Variants in MCHR2 observed in about 807,000 individuals in gnomAD.
MCHR2 encodes melanin concentrating hormone receptor 2.
A neutral mutation model predicts 24.8 loss-of-function variants in MCHR2; 15 were observed. The observed-to-expected ratio is 0.60, with a 90% CI of 0.40 to 0.93. The LOEUF (loss-of-function observed/expected upper bound fraction) is 0.93. MCHR2 is among the 40% of genes least tolerant of loss of function. The pLI, the probability that MCHR2 is intolerant of heterozygous loss-of-function variation, is 0.00. For synonymous variants in MCHR2, 151 were observed against 147.6 expected, an observed-to-expected ratio of 1.02 and a Z score of -0.17; for missense variants, 386 against 408.7, an observed-to-expected ratio of 0.94 and a Z score of 0.48.
rs1562114728 is a variant in MCHR2, at chr6:99,920,640, G to A, written c.*300C>T. On this transcript the variant is annotated 3_prime_UTR_variant, in exon 6 of 6. Coordinates refer to ENST00000281806, the MANE Select transcript of MCHR2 (RefSeq NM_001040179.2). Reference sequence around the variant, plus strand: ...TGGTGAGTTTTGAGTCAATGGTCATGGATGGCCATTTTCATTAGTGACTAG... The same window carrying A: ...TGGTGAGTTTTGAGTCAATGGTCATAGATGGCCATTTTCATTAGTGACTAG... 3.4e-6 allele frequency: 1 copy of A among 293,024 alleles called. No individual in the cohort carries two copies. The highest frequency in any genetic ancestry group is 6.5e-6 in the Non-Finnish European group (1 of 154,058). 18.2% of individuals were successfully genotyped at this position (293,024 alleles called of 1,614,324 possible).
At chr6:99,969,818 T>C (rs945537733) in intron 1 of MCHR2, among the ~76,000 whole-genome samples, 4 of 150,328 alleles carry the variant, frequency 2.7e-5, no homozygotes, top group African/African-American at 9.8e-5. Flanking sequence ...TGGTGTTTGG[T>C]TTTTGTCCTT....
chr6:99,939,639 G>A (rs1360141361), intron 4 of MCHR2, among the ~76,000 whole-genome samples: 1 of 151,594 alleles, frequency 6.6e-6, no homozygotes, highest in Non-Finnish European at 1.5e-5. Context: ...GAGTATTCTG[G>A]GCTTGTTAAT....
intron 5 of MCHR2, among the ~76,000 whole-genome samples, chr6:99,930,499 T>TG (rs1304613835): frequency 6.6e-6 from 1 of 152,226 alleles, no homozygotes; most frequent in East Asian, 1.9e-4. Flanking sequence ...ATTTGGTCTT[T>TG]TCACATAGTC....
At chr6:99,959,827 T>A (rs1034378755) in intron 1 of MCHR2, among the ~76,000 whole-genome samples, 1 of 147,896 alleles carries the variant, frequency 6.8e-6, no homozygotes, top group Non-Finnish European at 1.5e-5. Flanking sequence ...GAAACAATAA[T>A]AATAATGATA....
chr6:99,928,803 A>G (rs1019663220), intron 5 of MCHR2, among the ~76,000 whole-genome samples: 1 of 152,116 alleles, frequency 6.6e-6, no homozygotes, highest in African/African-American at 2.4e-5. Context: ...TGGATTAATT[A>G]ATTCTTTGAA....
intron 1 of MCHR2, among the ~76,000 whole-genome samples, chr6:99,959,196 G>A (rs1775129501): frequency 6.6e-6 from 1 of 152,084 alleles, no homozygotes; most frequent in Non-Finnish European, 1.5e-5. Flanking sequence ...ATGGCATGCT[G>A]CTATTTTGGA....
intron 1 of MCHR2, among the ~76,000 whole-genome samples, chr6:99,975,416 G>A (rs112375143): frequency 0.031 from 4,697 of 152,248 alleles, 120 homozygotes; most frequent in Non-Finnish European, 0.044. Flanking sequence ...TTTTAAGCCC[G>A]TTGGAAAACC....
chr6:99,955,878 C>A, intron 2 of MCHR2, 88 bp downstream of exon 2: 1 of 1,084,256 alleles, frequency 9.2e-7, no homozygotes, highest in Non-Finnish European at 1.2e-6. Context: ...AAGCAAAATG[C>A]TACAGGGGAA....
chr6:99,921,735 TA>T (rs1774237304), intron 5 of MCHR2, among the ~76,000 whole-genome samples: 1 of 152,198 alleles, frequency 6.6e-6, no homozygotes, highest in Non-Finnish European at 1.5e-5. Flanking sequence ...AACTATTTTT[TA>T]ATACCCATTA....
chr6:99,983,689 C>T (rs72940315), intron 1 of MCHR2, among the ~76,000 whole-genome samples: 2,806 of 152,184 alleles, frequency 0.018, 77 homozygotes, highest in East Asian at 0.12. Flanking sequence ...CCTCGAAACA[C>T]TCTCTTCTCT....
At chr6:99,976,444 C>G (rs1775553295) in intron 1 of MCHR2, among the ~76,000 whole-genome samples, 1 of 152,174 alleles carries the variant, frequency 6.6e-6, no homozygotes, top group Non-Finnish European at 1.5e-5. Flanking sequence ...CATTAGTGTC[C>G]TAGGAGATGA....
In MCHR2 at chr6:99,990,377, TATTTACCCTGTATGTGTGTGTGTGTATTC is replaced by T. The variant is rs1168615156; in HGVS notation, c.-28+3530_-28+3558del. Among the ~76,000 whole-genome samples, 12 of 152,276 alleles carry T rather than the reference TATTTACCCTGTATGTGTGTGTGTGTATTC, an allele frequency of 7.9e-5. No homozygotes were observed. The East Asian group carries it at 9.6e-4, about 12-fold the overall frequency. On this transcript the variant is annotated intron_variant, in intron 1 of 5. Coordinates refer to ENST00000281806, the MANE Select transcript of MCHR2 (RefSeq NM_001040179.2). The stretch of plus-strand genomic sequence containing the variant: ...TGTTAGAGTCATAGGATAAACACAC[TATTTACCCTGTATGTGTGTGTGTGTATTC>T]ATTTACCCTGTATGTGTGTGTGTGT...
intron 2 of MCHR2, among the ~76,000 whole-genome samples, chr6:99,948,734 T>C (rs1174023693): frequency 6.6e-6 from 1 of 152,210 alleles, no homozygotes; most frequent in African/African-American, 2.4e-5. Context: ...TCTTTACTCA[T>C]TCCTAGTATT....
At chr6:99,941,315 A>G (rs1428706823) in intron 4 of MCHR2, among the ~76,000 whole-genome samples, 1 of 133,986 alleles carries the variant, frequency 7.5e-6, no homozygotes, top group Non-Finnish European at 1.5e-5. Flanking sequence ...GGAGTTCTGG[A>G]GTTCTGGGAT....
chr6:99,929,069 T>G (rs1168046925), intron 5 of MCHR2, among the ~76,000 whole-genome samples: 4 of 152,182 alleles, frequency 2.6e-5, no homozygotes, highest in Non-Finnish European at 4.4e-5. Flanking sequence ...AAGAACATCT[T>G]TATTTCTGCC....
chr6:99,923,241 C>G (rs1367954650), intron 5 of MCHR2, among the ~76,000 whole-genome samples: 1 of 152,088 alleles, frequency 6.6e-6, no homozygotes, highest in Admixed American at 6.5e-5. Flanking sequence ...ATTTTGTATC[C>G]TGAAACTTTA....
chr6:99,967,686 C>T (rs1775319139), intron 1 of MCHR2, among the ~76,000 whole-genome samples: 1 of 152,068 alleles, frequency 6.6e-6, no homozygotes, highest in East Asian at 1.9e-4. Context: ...GTTCAATAGC[C>T]ACAATGTGCA....
intron 1 of MCHR2, among the ~76,000 whole-genome samples, chr6:99,957,038 G>A (rs1181870544): frequency 6.6e-6 from 1 of 151,948 alleles, no homozygotes; most frequent in Non-Finnish European, 1.5e-5. Context: ...AAATCAGTGG[G>A]CATTCCCTGG....
At chr6:99,930,063 G>C (rs1458406199) in intron 5 of MCHR2, among the ~76,000 whole-genome samples, 1 of 151,178 alleles carries the variant, frequency 6.6e-6, no homozygotes, top group Non-Finnish European at 1.5e-5. Context: ...GCATTTGCTT[G>C]TCTGTAAAGT....
Sources: gnomAD v4.1 joint callset for allele counts (sites outside exome capture counted in the v4.1 genomes callset) on GRCh38, gnomAD v4.1.1 for gene constraint, MANE v1.5 for transcripts, NCBI Gene and HGNC (gene_info 2026-07-23, HGNC 2026-07-21) for gene names.